SLC5A11: variants seen among roughly 807,000 people sequenced by gnomAD.
The protein encoded by SLC5A11 is solute carrier family 5 member 11.
Under a neutral mutation model 69.8 loss-of-function variants are expected in SLC5A11, and 48 were observed. That is an observed-to-expected ratio of 0.69 (90% CI 0.55 to 0.87). SLC5A11 has a LOEUF of 0.87. Ranked by LOEUF, SLC5A11 falls within the 40% of genes least tolerant of loss-of-function variation. The pLI is 0.00. For missense variants in SLC5A11, 784 were observed against 866.1 expected, an observed-to-expected ratio of 0.91 and a Z score of 1.19; for synonymous variants, 319 against 342.4, an observed-to-expected ratio of 0.93 and a Z score of 0.75.
chr16:24,875,577 G>A lies in SLC5A11; in HGVS notation c.373-50G>A, dbSNP rs142274761. 569 of 1,484,444 alleles carry A rather than the reference G, an allele frequency of 3.8e-4. 6 individuals are homozygous for A. The East Asian group carries it at 0.012, about 30-fold the overall frequency. The allele number at this position is 1,484,444 out of a possible 1,614,324, so 92.0% of individuals were successfully genotyped here. The stretch of plus-strand genomic sequence containing the variant: ...GGAAGGGCTTGTGTGGGGGGGTCAC[G>A]TGCTGGTGGTGAAGTCCGCTGGTGG... On this transcript the variant is annotated intron_variant, in intron 5 of 15. Coordinates refer to ENST00000347898, the Ensembl canonical transcript of SLC5A11.
intron 3 of SLC5A11, among the ~76,000 whole-genome samples, chr16:24,865,120 A>G (rs1182452570): frequency 6.6e-6 from 1 of 152,218 alleles, no homozygotes; most frequent in African/African-American, 2.4e-5. Context: ...ACTAAATTTT[A>G]TTAACAATAT....
intron 9 of SLC5A11, among the ~76,000 whole-genome samples, chr16:24,895,127 A>G (rs995917917): frequency 6.8e-6 from 1 of 148,062 alleles, no homozygotes; most frequent in Non-Finnish European, 1.5e-5. Flanking sequence ...CCTGCCTCAG[A>G]AAAAAAGAAA....
intron 1 of SLC5A11, among the ~76,000 whole-genome samples, chr16:24,855,587 C>A (rs773139739): frequency 4.6e-5 from 7 of 151,816 alleles, no homozygotes; most frequent in Non-Finnish European, 8.8e-5. Context: ...AGTAACAGAG[C>A]AAAACTCTTG....
At chr16:24,900,010 C>T (rs907049639) in intron 10 of SLC5A11, among the ~76,000 whole-genome samples, 3 of 152,028 alleles carry the variant, frequency 2.0e-5, no homozygotes, top group Non-Finnish European at 4.4e-5. Context: ...GCTGGGTGTA[C>T]TTTTCTTAAC....
chr16:24,894,091 A>T (rs543405246), intron 9 of SLC5A11, among the ~76,000 whole-genome samples: 29 of 152,280 alleles, frequency 1.9e-4, no homozygotes, highest in African/African-American at 6.7e-4. Flanking sequence ...CATTTTACAG[A>T]TGAGAGAGCT....
intron 2 of SLC5A11, among the ~76,000 whole-genome samples, chr16:24,859,961 C>T (rs1477806910): frequency 1.3e-5 from 2 of 152,074 alleles, no homozygotes; most frequent in Non-Finnish European, 2.9e-5. Flanking sequence ...ACCAGCCTGG[C>T]CAACATGGTG....
At chr16:24,848,803 A>AGT (rs2059139661) in intron 1 of SLC5A11, among the ~76,000 whole-genome samples, 1 of 152,148 alleles carries the variant, frequency 6.6e-6, no homozygotes, top group African/African-American at 2.4e-5. Flanking sequence ...AATTAAAACA[A>AGT]AAATAAAATA....
intron 2 of SLC5A11, among the ~76,000 whole-genome samples, chr16:24,860,146 G>A (rs1166295092): frequency 6.6e-6 from 1 of 152,306 alleles, no homozygotes; most frequent in Admixed American, 6.5e-5. Flanking sequence ...AATTAGCCAG[G>A]TGTGGTGGCG....
intron 3 of SLC5A11, among the ~76,000 whole-genome samples, chr16:24,869,080 C>G (rs2047108995): frequency 6.6e-6 from 1 of 152,058 alleles, no homozygotes; most frequent in African/African-American, 2.4e-5. Context: ...GTTGGCCAGG[C>G]TGGTCTGAAA....
At chr16:24,846,285 A>G (rs1232504789) in exon 1 of SLC5A11, 1 of 152,300 alleles carries the variant, frequency 6.6e-6, no homozygotes, top group African/African-American at 2.4e-5. Context: ...AGCAGCGGGC[A>G]TATAGGAGGA....
Position 24,846,449 on chromosome 16 carries a change from C to T in SLC5A11, c.-25+11C>T, listed in dbSNP as rs572726199. The stretch of plus-strand genomic sequence containing the variant: ...TGCATCTGGAATAAGGTAAGACACC[C>T]CCTGCCCCCAAACAGGTAGCCACTC... On this transcript the variant is annotated intron_variant, in intron 1 of 15. Transcript: ENST00000347898. 3 of 152,872 alleles carry T rather than the reference C, an allele frequency of 2.0e-5. No homozygotes were observed. Among genetic ancestry groups the T allele is most frequent in the East Asian group, 3.8e-4 (2 of 5,200 alleles). 9.5% of individuals were successfully genotyped at this position (152,872 alleles called of 1,614,324 possible).
chr16:24,892,338 T>C (rs574345839), intron 9 of SLC5A11, among the ~76,000 whole-genome samples: 2 of 151,680 alleles, frequency 1.3e-5, no homozygotes, highest in East Asian at 3.9e-4. Flanking sequence ...AGGAAGAGTT[T>C]GCAGCAGAAG....
exon 2 of SLC5A11, chr16:24,858,686 C>G (rs556824328): frequency 6.2e-7 from 1 of 1,611,562 alleles, no homozygotes; most frequent in South Asian, 1.1e-5. Flanking sequence ...ACAGTTAGAT[C>G]CCCTGGATGC....
intron 7 of SLC5A11, 24 bp downstream of exon 8, chr16:24,877,387 C>G (rs1419065513): frequency 6.3e-7 from 1 of 1,583,300 alleles, no homozygotes; most frequent in Admixed American, 1.7e-5. Context: ...AAGGGTAACA[C>G]CTAGCAGAGG....
At chr16:24,862,702 C>T in intron 3 of SLC5A11, 30 bp downstream of exon 4, 1 of 1,593,206 alleles carries the variant, frequency 6.3e-7, no homozygotes, top group Non-Finnish European at 8.6e-7. Context: ...ATTAAAGTCA[C>T]TTCTTAAAGA....
exon 13 of SLC5A11, chr16:24,908,124 A>G (rs367995045): frequency 3.1e-5 from 49 of 1,589,826 alleles, no homozygotes; most frequent in South Asian, 2.6e-4. Context: ...AAGAGGACCA[A>G]TGAAAAGGTA....
chr16:24,889,358 T>G (rs2048615087), intron 8 of SLC5A11, among the ~76,000 whole-genome samples: 1 of 151,914 alleles, frequency 6.6e-6, no homozygotes, highest in Non-Finnish European at 1.5e-5. Flanking sequence ...GGTACATGCC[T>G]GTAGTCTTAA....
At chr16:24,896,942 CTTTTTTTTTTTTTTT>C (rs869210839) in intron 9 of SLC5A11, among the ~76,000 whole-genome samples, 6 of 97,092 alleles carry the variant, frequency 6.2e-5, no homozygotes, top group African/African-American at 1.0e-4. Flanking sequence ...AACCTCCTTC[CTTTTTTTTTTTTTTT>C]TTTTTTTTTT....
chr16:24,911,235 C>A, intron 15 of SLC5A11, 93 bp from the exon 17 acceptor site: 2 of 1,220,882 alleles, frequency 1.6e-6, no homozygotes, highest in Non-Finnish European at 2.4e-6. Context: ...CCTGTAATCC[C>A]AGCACTTGAA....
Sources: allele counts gnomAD v4.1 joint callset (sites outside exome capture counted in the v4.1 genomes callset), GRCh38; gene constraint gnomAD v4.1.1; transcripts MANE v1.5; gene names NCBI Gene and HGNC (gene_info 2026-07-23, HGNC 2026-07-21).